The following UTRN variants were observed in gnomAD, a reference collection of about 807,000 sequenced individuals.
UTRN encodes utrophin.
Under a neutral mutation model 463.9 loss-of-function variants are expected in UTRN, and 283 were observed. The ratio of observed to expected loss-of-function variants is 0.61; its 90% CI spans 0.55 to 0.67. The LOEUF (loss-of-function observed/expected upper bound fraction) is 0.67. Among genes scored for constraint, UTRN ranks in the 30% least tolerant of loss-of-function variants. The pLI is 0.00. For missense variants in UTRN, 3,922 were observed against 4,084.3 expected, an observed-to-expected ratio of 0.96 and a Z score of 1.08; for synonymous variants, 1,442 against 1,431.5, an observed-to-expected ratio of 1.01 and a Z score of -0.17.
intron 51 of UTRN, among the ~76,000 whole-genome samples, chr6:144,663,975 G>A (rs193281622): frequency 5.9e-5 from 9 of 152,320 alleles, no homozygotes; most frequent in Middle Eastern, 3.4e-3. Context: ...TAGTCTAAGT[G>A]TATAGATGGA....
chr6:144,577,171 C>G lies in UTRN; in HGVS notation c.7362C>G (p.Asn2454Lys). Reference protein sequence around the residue: ...TVQASRRDLENFLKWIQEAET... With the variant: ...TVQASRRDLEKFLKWIQEAET... ...AGGCCTCTCGCAGAGATCTGGAAAA[C>G]TTCCTGAAGTGGATCCAAGAAGCAG... The change falls in exon 51 of 75, where the codon AAC (asparagine) becomes AAG (lysine). Residue 2454 changes from asparagine (N) to lysine (K), a missense_variant. By Grantham distance (94) the Asn-to-Lys change is moderately conservative (BLOSUM62 0). Transcript: ENST00000367545. 6.2e-7 allele frequency: 1 copy of G among 1,614,008 alleles called. No individual in the cohort carries two copies. The highest frequency in any genetic ancestry group is 1.7e-5 in the Admixed American group (1 of 60,008).
At chr6:144,335,217 A>G (rs530730901) in intron 2 of UTRN, among the ~76,000 whole-genome samples, 7 of 152,350 alleles carry the variant, frequency 4.6e-5, no homozygotes, top group African/African-American at 1.7e-4. Context: ...AATGGCACAT[A>G]AGTGGTCCTG....
chr6:144,407,538 GACTT>G (rs1307463586), intron 3 of UTRN, among the ~76,000 whole-genome samples: 1 of 152,096 alleles, frequency 6.6e-6, no homozygotes, highest in Non-Finnish European at 1.5e-5. Context: ...TAACCACTTG[GACTT>G]AATGCATATT....
chr6:144,839,107 A>G, intron 71 of UTRN, 66 bp from the exon 72 acceptor site: 1 of 1,306,108 alleles, frequency 7.7e-7, no homozygotes, highest in Non-Finnish European at 1.1e-6. Context: ...GAAGTTAAAA[A>G]GGAAATGTTT....
chr6:144,504,151 G>A (rs769970842), intron 34 of UTRN, among the ~76,000 whole-genome samples: 6 of 152,068 alleles, frequency 3.9e-5, no homozygotes, highest in Non-Finnish European at 5.9e-5. Flanking sequence ...GAGACTGTGG[G>A]GTTTTCTAAA....
At chr6:144,790,525 G>A (rs1328612006) in intron 62 of UTRN, among the ~76,000 whole-genome samples, 2 of 152,210 alleles carry the variant, frequency 1.3e-5, no homozygotes, top group Non-Finnish European at 2.9e-5. Flanking sequence ...GAATGTCAGT[G>A]AAAAGAAATG....
intron 51 of UTRN, among the ~76,000 whole-genome samples, chr6:144,661,950 A>G (rs1342714577): frequency 6.6e-6 from 1 of 152,094 alleles, no homozygotes; most frequent in Non-Finnish European, 1.5e-5. Context: ...AGTAGAAGAT[A>G]TCTACTGGCT....
intron 2 of UTRN, among the ~76,000 whole-genome samples, chr6:144,372,804 A>C (rs1298743525): frequency 6.6e-6 from 1 of 152,166 alleles, no homozygotes; most frequent in Non-Finnish European, 1.5e-5. Flanking sequence ...TGTCCAGCCA[A>C]GAATTCTTAT....
intron 50 of UTRN, among the ~76,000 whole-genome samples, chr6:144,570,595 A>T (rs1355082291): frequency 6.6e-6 from 1 of 152,224 alleles, no homozygotes; most frequent in Non-Finnish European, 1.5e-5. Context: ...TGAAAGTTTC[A>T]TACAAAGTGA....
chr6:144,417,990 T>G (rs1448958002), intron 3 of UTRN, among the ~76,000 whole-genome samples: 1 of 152,078 alleles, frequency 6.6e-6, no homozygotes, highest in Non-Finnish European at 1.5e-5. Flanking sequence ...TGTTGATATT[T>G]TATTACACTT....
chr6:144,666,892 G>A (rs560231027), intron 51 of UTRN, among the ~76,000 whole-genome samples: 16 of 152,238 alleles, frequency 1.1e-4, no homozygotes, highest in African/African-American at 3.4e-4. Context: ...AAAACACATC[G>A]CCTGATCTGA....
intron 54 of UTRN, among the ~76,000 whole-genome samples, chr6:144,733,976 A>G (rs562273816): frequency 1.3e-5 from 2 of 152,232 alleles, no homozygotes; most frequent in Non-Finnish European, 2.9e-5. Flanking sequence ...CAGGTACTCA[A>G]TAAAAGTTTG....
rs527543718 is a variant in UTRN, at chr6:144,822,790, C to T, written c.9494+1772C>T. On this transcript the variant is annotated intron_variant, in intron 66 of 74. Coordinates refer to ENST00000367545, the MANE Select transcript of UTRN (RefSeq NM_007124.3). ...AATTGTACTTTTTTTGTATCCCATC[C>T]AGTTAACCTTTGGAATGGATAATTC... Among the ~76,000 whole-genome samples the T allele has an allele frequency of 2.0e-5, 3 of 152,124 alleles. No homozygotes were observed. In the South Asian group the frequency reaches 6.2e-4, roughly 32 times the overall value.
At chr6:144,816,546 C>T (rs1562944995) in intron 65 of UTRN, among the ~76,000 whole-genome samples, 1 of 151,826 alleles carries the variant, frequency 6.6e-6, no homozygotes, top group African/African-American at 2.4e-5. Flanking sequence ...GTCTAGTCAC[C>T]AAAATTTTAC....
chr6:144,379,074 G>A (rs1211624257), intron 2 of UTRN, among the ~76,000 whole-genome samples: 5 of 152,208 alleles, frequency 3.3e-5, no homozygotes, highest in South Asian at 2.1e-4. Context: ...TTTTTGATGG[G>A]TTAAGGTTGA....
intron 2 of UTRN, among the ~76,000 whole-genome samples, chr6:144,326,908 G>T (rs188487145): frequency 6.6e-6 from 1 of 152,272 alleles, no homozygotes; most frequent in Admixed American, 6.5e-5. Flanking sequence ...ATGACTAGGG[G>T]TCCAAACTTG....
rs748647687 is a variant in UTRN, at chr6:144,436,022, C to G, written c.943C>G (p.Gln315Glu). 2.5e-6 allele frequency: 4 copies of G among 1,614,208 alleles called. No individual in the cohort carries two copies. Among genetic ancestry groups the G allele is most frequent in the Non-Finnish European group, 3.4e-6 (4 of 1,180,042 alleles). The part of the protein sequence containing the change: ...TEVDMDLDSY[Q>E]IALEEVLTWL... ...GGTTGACATGGATCTGGACAGCTAT[C>G]AGATTGCGTTGGAGGAAGTGCTGAC... The change falls in exon 10 of 75, where the codon CAG (glutamine) becomes GAG (glutamate). Residue 315 changes from glutamine (Q) to glutamate (E), a missense_variant. Physicochemically the swap from Gln to Glu is conservative, Grantham distance 29. This residue lies in a region of UTRN where 2,349 missense variants were observed against 2,303.8 expected (regional missense o/e 1.02). Coordinates refer to ENST00000367545, the MANE Select transcript of UTRN (RefSeq NM_007124.3).
At chr6:144,650,824 G>C (rs866626377) in intron 51 of UTRN, among the ~76,000 whole-genome samples, 1 of 152,008 alleles carries the variant, frequency 6.6e-6, no homozygotes, top group Non-Finnish European at 1.5e-5. Context: ...CAGGAGAATC[G>C]CTTGAACCCA....
intron 2 of UTRN, among the ~76,000 whole-genome samples, chr6:144,316,136 G>A (rs1421326563): frequency 6.6e-6 from 1 of 152,172 alleles, no homozygotes; most frequent in African/African-American, 2.4e-5. Flanking sequence ...GATTACTTGA[G>A]GCCAGGAGTT....
Sources: gnomAD v4.1 joint callset for allele counts (sites outside exome capture counted in the v4.1 genomes callset) on GRCh38, gnomAD v4.1.1 for gene constraint, gnomAD v4.1.1 regional missense constraint, MANE v1.5 for transcripts, NCBI Gene and HGNC (gene_info 2026-07-23, HGNC 2026-07-21) for gene names.